MN1: variants seen among roughly 807,000 people sequenced by gnomAD.
MN1 encodes MN1 proto-oncogene, transcriptional regulator, also known as transcriptional activator MN1.
Under a neutral mutation model 86.9 loss-of-function variants are expected in MN1, and 19 were observed. The observed-to-expected ratio is 0.22, with a 90% CI of 0.15 to 0.32. The LOEUF (loss-of-function observed/expected upper bound fraction) is 0.32. Ranked by LOEUF, MN1 falls within the 10% of genes least tolerant of loss-of-function variation. The pLI, the probability that MN1 is intolerant of heterozygous loss-of-function variation, is 1.00. For synonymous variants in MN1, 928 were observed against 849.6 expected, an observed-to-expected ratio of 1.09 and a Z score of -1.60; for missense variants, 1,841 against 1,862.0, an observed-to-expected ratio of 0.99 and a Z score of 0.21.
intron 1 of MN1, among the ~76,000 whole-genome samples, chr22:27,765,402 G>A (rs1268068133): frequency 9.1e-6 from 1 of 109,380 alleles, no homozygotes; most frequent in Non-Finnish European, 1.8e-5. Context: ...GGAGCAGAGG[G>A]TTGCTGTTAG....
Position 27,801,487 on chromosome 22 carries a change from C to T in MN1, c.-944G>A. ...TGGGTCGCTCCAAGGCTCCGGTTCCCTGCCTCCGCGCTGAGGTGCTTCGCG... is the reference window on the plus strand; with the variant it reads ...TGGGTCGCTCCAAGGCTCCGGTTCCTTGCCTCCGCGCTGAGGTGCTTCGCG... On this transcript the variant is annotated 5_prime_UTR_variant, in exon 1 of 2. Transcript: ENST00000302326. 5.1e-6 allele frequency: 1 copy of T among 194,790 alleles called. No homozygotes were observed. The highest frequency in any genetic ancestry group is 1.1e-5 in the Non-Finnish European group (1 of 93,300). The allele number at this position is 194,790 out of a possible 1,614,324, so 12.1% of individuals were successfully genotyped here.
chr22:27,751,440 C>T (rs1284746476), intron 1 of MN1, among the ~76,000 whole-genome samples: 1 of 152,100 alleles, frequency 6.6e-6, no homozygotes, highest in Non-Finnish European at 1.5e-5. Context: ...AGGAATGCTT[C>T]CTGGAGGAGG....
In MN1 at chr22:27,797,816, G is replaced by A. The variant is rs759426207; in HGVS notation, c.2728C>T (p.Pro910Ser). 2 of 1,588,220 alleles carry A rather than the reference G, an allele frequency of 1.3e-6. No homozygotes were observed. Among genetic ancestry groups the A allele is most frequent in the South Asian group, 1.1e-5 (1 of 87,816 alleles). The change falls in exon 1 of 2, where the codon CCA (proline) becomes TCA (serine). Residue 910 changes from proline to serine, a missense_variant. Pro to Ser is a moderately conservative substitution (Grantham distance 74). Coordinates refer to ENST00000302326, the MANE Select transcript of MN1 (RefSeq NM_002430.3). ...AGGCTGGTGCCGTCCCCCTGGGCTGGAGGGTTGGGCGGCCCCGAGGCTTTG... is the reference window on the plus strand; with the variant it reads ...AGGCTGGTGCCGTCCCCCTGGGCTGAAGGGTTGGGCGGCCCCGAGGCTTTG... Reference protein sequence around the residue: ...GSKASGPPNPPAQGDGTSLSP... With the variant: ...GSKASGPPNPSAQGDGTSLSP...
intron 1 of MN1, among the ~76,000 whole-genome samples, chr22:27,766,900 C>T (rs563196834): frequency 2.9e-4 from 44 of 152,254 alleles, no homozygotes; most frequent in Non-Finnish European, 4.6e-4. Flanking sequence ...GTCATTTTTC[C>T]CCTCTTCCTG....
At chr22:27,773,572 G>A (rs1008841836) in intron 1 of MN1, among the ~76,000 whole-genome samples, 3 of 152,206 alleles carry the variant, frequency 2.0e-5, no homozygotes, top group Admixed American at 6.5e-5. Context: ...GAGACATAAC[G>A]TAGCATTGTG....
At chr22:27,761,104 G>A (rs888751663) in intron 1 of MN1, among the ~76,000 whole-genome samples, 12 of 152,110 alleles carry the variant, frequency 7.9e-5, no homozygotes, top group Non-Finnish European at 1.5e-4. Context: ...GCATGAAAAA[G>A]GGAAACATCA....
chr22:27,790,603 G>A (rs1335176714), intron 1 of MN1, among the ~76,000 whole-genome samples: 1 of 150,256 alleles, frequency 6.7e-6, no homozygotes, highest in Admixed American at 6.6e-5. Flanking sequence ...CCGCCACGTC[G>A]TTGGTACAAA....
intron 1 of MN1, among the ~76,000 whole-genome samples, chr22:27,773,934 G>A (rs548559263): frequency 2.0e-5 from 3 of 152,228 alleles, no homozygotes; most frequent in East Asian, 1.9e-4. Flanking sequence ...GATTACAGGC[G>A]TGAGCCACCG....
chr22:27,761,358 CT>C (rs1932833597), intron 1 of MN1, among the ~76,000 whole-genome samples: 1 of 151,668 alleles, frequency 6.6e-6, no homozygotes, highest in Non-Finnish European at 1.5e-5. Context: ...CCTTCTCCCC[CT>C]CCCTCTTATT....
intron 1 of MN1, among the ~76,000 whole-genome samples, chr22:27,789,096 G>C (rs1317504884): frequency 1.3e-5 from 2 of 152,074 alleles, no homozygotes; most frequent in African/African-American, 4.8e-5. Context: ...AAGCTGCAAG[G>C]GTGCCTCAGC....
At position 27,782,942 on chromosome 22, in the gene MN1, T is replaced by C. The variant is rs115658099; in HGVS notation, c.3781+13821A>G. 4.2e-3 allele frequency among the ~76,000 whole-genome samples: 636 copies of C among 152,260 alleles called. 2 individuals carry two copies. The highest frequency in any genetic ancestry group is 0.015 in the African/African-American group (612 of 41,542). ...AAGCTGGGAGCAGTGAAGTGGCTTG[T>C]CTGAGATCACCCAGCTCGGAAGAAT... On this transcript the variant is annotated intron_variant, in intron 1 of 1. Transcript: ENST00000302326.
chr22:27,798,439 A>T lies in MN1; in HGVS notation c.2105T>A (p.Phe702Tyr). 1 of 1,558,032 alleles carries T rather than the reference A, an allele frequency of 6.4e-7. No homozygotes were observed. Among genetic ancestry groups the T allele is most frequent in the Non-Finnish European group, 8.6e-7 (1 of 1,161,322 alleles). Residue 702 changes from phenylalanine to tyrosine, a missense_variant, in exon 1 of 2, where the codon TTC becomes TAC. Coordinates refer to ENST00000302326, the MANE Select transcript of MN1 (RefSeq NM_002430.3). Reference protein sequence around the residue: ...VPALPSPGLQFGGSLGGLGQL... With the variant: ...VPALPSPGLQYGGSLGGLGQL... ...ACCCAGGCCTCCCAGACTGCCCCCG[A>T]ACTGCAGGCCCGGTGAAGGCAGCGC...
chr22:27,752,663 A>G (rs911986936), intron 1 of MN1, among the ~76,000 whole-genome samples: 2 of 152,228 alleles, frequency 1.3e-5, no homozygotes, highest in Non-Finnish European at 2.9e-5. Flanking sequence ...GCCATATGTC[A>G]ATGAAGAGTC....
At position 27,797,766 on chromosome 22, in the gene MN1, G is replaced by A; in HGVS notation, c.2778C>T (p.Ser926=). 1.1e-5 allele frequency: 17 copies of A among 1,607,718 alleles called. No homozygotes were observed. The highest frequency in any genetic ancestry group is 1.4e-5 in the Non-Finnish European group (17 of 1,178,276). ...CCGGCTTGCCGTCATTCCCCGACGT[G>A]GATTCCAGGGTGTAGTTGGGGGAGA... The part of the protein sequence containing the change: ...TSLSPNYTLE[S]TSGNDGKPVS... Residue 926 remains serine (S), a synonymous_variant, in exon 1 of 2, where the codon TCC becomes TCT. Transcript: ENST00000302326.
intron 1 of MN1, among the ~76,000 whole-genome samples, chr22:27,752,610 C>G (rs1276667005): frequency 7.2e-5 from 11 of 152,230 alleles, no homozygotes; most frequent in Non-Finnish European, 8.8e-5. Context: ...CAGGACTTCT[C>G]ATTTACGGCT....
rs1387262862 is a variant in MN1, at chr22:27,798,148, G to A, written c.2396C>T (p.Ala799Val). 1 of 1,594,736 alleles carries A rather than the reference G, an allele frequency of 6.3e-7. No homozygotes were observed. The highest frequency in any genetic ancestry group is 1.8e-5 in the Admixed American group (1 of 56,406). ...PDFQPSQRTS[A>V]SKLGALSLGS... ...CAGCGAGAGCGCGCCCAATTTACTG[G>A]CCGAGGTGCGCTGGCTGGGCTGGAA... The change falls in exon 1 of 2, where the codon GCC becomes GTC. Residue 799 changes from alanine to valine, a missense_variant. By Grantham distance (64) the Ala-to-Val change is moderately conservative. Coordinates refer to ENST00000302326, the MANE Select transcript of MN1 (RefSeq NM_002430.3).
In MN1 at chr22:27,798,049, C is replaced by G; in HGVS notation, c.2495G>C (p.Cys832Ser). ...CCCGAGGCTGGCGATCATGTTCTGG[C>G]AAGCGGTGGAGAGCGCAGCCAGGCA... ...QSCLAALSTA[C>S]QNMIASLGAP... Residue 832 changes from cysteine to serine, a missense_variant, in exon 1 of 2, where the codon TGC becomes TCC. Transcript: ENST00000302326. 6.2e-7 allele frequency: 1 copy of G among 1,610,606 alleles called. No homozygotes were observed. Among genetic ancestry groups the G allele is most frequent in the Non-Finnish European group, 8.5e-7 (1 of 1,179,508 alleles).
chr22:27,799,706 C>G lies in MN1; in HGVS notation c.838G>C (p.Ala280Pro), dbSNP rs1400740143. 10 of 1,564,162 alleles carry G rather than the reference C, an allele frequency of 6.4e-6. No homozygotes were observed. The South Asian group carries it at 1.2e-4, about 18-fold the overall frequency. Residue 280 changes from alanine (A) to proline (P), a missense_variant, in exon 1 of 2, where the codon GCG becomes CCG. By Grantham distance (27) the Ala-to-Pro change is conservative. Coordinates refer to ENST00000302326, the MANE Select transcript of MN1 (RefSeq NM_002430.3). ...ATTTTGGACAAGCCCACCATGCCCG[C>G]AGCTCTGGGCATGGCCGAGGCGCCC... ...FPGASAMPRA[A>P]GMVGLSKMHA...
At chr22:27,794,310 C>T (rs142601216) in intron 1 of MN1, among the ~76,000 whole-genome samples, 1 of 152,274 alleles carries the variant, frequency 6.6e-6, no homozygotes, top group Non-Finnish European at 1.5e-5. Context: ...ATGCAGATAC[C>T]TTATAAAGCC....
Sources: allele counts gnomAD v4.1 joint callset (sites outside exome capture counted in the v4.1 genomes callset), GRCh38; gene constraint gnomAD v4.1.1; transcripts MANE v1.5; gene names NCBI Gene and HGNC (gene_info 2026-07-23, HGNC 2026-07-21).